Variants in DNAH5 observed in about 807,000 individuals in gnomAD.
DNAH5 encodes the protein axonemal beta dynein heavy chain 5.
In DNAH5, 372 loss-of-function variants were observed where a neutral mutation model predicts 518.2. The observed-to-expected ratio is 0.72, with a 90% CI of 0.66 to 0.78. DNAH5 has a LOEUF of 0.78. Ranked by LOEUF, DNAH5 falls within the 30% of genes least tolerant of loss-of-function variation. DNAH5 has a pLI of 0.00. For synonymous variants in DNAH5, 2,039 were observed against 2,025.9 expected, an observed-to-expected ratio of 1.01 and a Z score of -0.17; for missense variants, 5,523 against 5,687.0, an observed-to-expected ratio of 0.97 and a Z score of 0.93.
intron 52 of DNAH5, 115 bp from the exon 53 acceptor site, chr5:13,781,074 C>T: frequency 8.5e-7 from 1 of 1,182,072 alleles, no homozygotes; most frequent in South Asian, 1.3e-5. Flanking sequence ...ATAGGTGTCT[C>T]AAGATCAGAC....
At chr5:13,972,536 G>A (rs753592488) in intron 1 of DNAH5, among the ~76,000 whole-genome samples, 1 of 152,114 alleles carries the variant, frequency 6.6e-6, no homozygotes, top group Non-Finnish European at 1.5e-5. Context: ...CTCTACCTCT[G>A]CATTTCACTT....
chr5:13,897,391 A>G (rs1774043519), intron 15 of DNAH5: 1 of 152,136 alleles, frequency 6.6e-6, no homozygotes, highest in African/African-American at 2.4e-5. Context: ...CCCAGAAGGG[A>G]TTACTCAACT....
At chr5:13,872,329 C>T (rs1031119539) in intron 22 of DNAH5, among the ~76,000 whole-genome samples, 2 of 152,128 alleles carry the variant, frequency 1.3e-5, no homozygotes, top group African/African-American at 4.8e-5. Flanking sequence ...TGCCTGGAAT[C>T]ACATAAAATG....
intron 12 of DNAH5, among the ~76,000 whole-genome samples, chr5:13,902,688 G>C (rs1227190299): frequency 6.6e-6 from 1 of 152,194 alleles, no homozygotes; most frequent in Admixed American, 6.5e-5. Flanking sequence ...GCACTGTCTG[G>C]CTCTTGGACA....
chr5:13,717,553 T>A lies in DNAH5; in HGVS notation c.12500-33A>T, dbSNP rs771171095. 15 of 1,530,774 alleles carry A rather than the reference T, an allele frequency of 9.8e-6. 1 individual carries two copies. In the South Asian group the frequency reaches 1.7e-4, roughly 17 times the overall value. 94.8% of individuals were successfully genotyped at this position (1,530,774 alleles called of 1,614,324 possible). A position where few individuals can be genotyped will look rare whatever the true frequency, so the allele number is the denominator to read the frequency against. Reference sequence around the variant, plus strand: ...GGTCAGTTGGGTGAAAAATGTATCATCTCTCAAATGTCTTTATTTTCTACT... The same window carrying A: ...GGTCAGTTGGGTGAAAAATGTATCAACTCTCAAATGTCTTTATTTTCTACT... On this transcript the variant is annotated intron_variant, in intron 72 of 78. Transcript: ENST00000265104.
In DNAH5 at chr5:13,853,916, T is replaced by G. The variant is rs548784259; in HGVS notation, c.4951-3101A>C. On this transcript the variant is annotated intron_variant, in intron 30 of 78. Transcript: ENST00000265104. Reference sequence around the variant, plus strand: ...ATTTGATCGATGTACCTAAAAGTGATGGGGAGAATGGATCCAAGTTAGAAA... The same window carrying G: ...ATTTGATCGATGTACCTAAAAGTGAGGGGGAGAATGGATCCAAGTTAGAAA... 9.2e-5 allele frequency among the ~76,000 whole-genome samples: 14 copies of G among 152,190 alleles called. No homozygotes were observed. The East Asian group carries it at 2.5e-3, about 27-fold the overall frequency.
intron 1 of DNAH5, among the ~76,000 whole-genome samples, chr5:13,952,619 C>T (rs139375037): frequency 3.6e-4 from 55 of 152,248 alleles, no homozygotes; most frequent in African/African-American, 8.7e-4. Flanking sequence ...GCTCATTAAA[C>T]GAAAACCAGC....
At position 13,770,925 on chromosome 5, in the gene DNAH5, C is replaced by T; in HGVS notation, c.9429G>A (p.Lys3143=). 6.2e-7 allele frequency: 1 copy of T among 1,614,126 alleles called. No homozygotes were observed. The highest frequency in any genetic ancestry group is 8.5e-7 in the Non-Finnish European group (1 of 1,180,012). ...AGGAGCCCATGCATTGGACCACCTC[C>T]TTCTTGATTTCCAAACTGCAGTCAA... ...YDIDCSLEIK[K]EVVQCMGSFQ... is the part of the protein sequence containing the mutation. The change falls in exon 56 of 79, where the codon AAG becomes AAA. Residue 3143 remains lysine (K), a synonymous_variant. Coordinates refer to ENST00000265104, the MANE Select transcript of DNAH5 (RefSeq NM_001369.3).
At chr5:13,810,038 T>C (rs2127012518) in intron 45 of DNAH5, 21 bp downstream of exon 45, 3 of 1,549,762 alleles carry the variant, frequency 1.9e-6, no homozygotes, top group Non-Finnish European at 2.6e-6. Context: ...GGGTTCCGTC[T>C]GGACGGGCAG....
At chr5:13,910,340 A>G (rs1486351846) in intron 12 of DNAH5, among the ~76,000 whole-genome samples, 2 of 152,144 alleles carry the variant, frequency 1.3e-5, no homozygotes, top group Non-Finnish European at 2.9e-5. Flanking sequence ...CACCCACTTT[A>G]TAGGATTATT....
intron 28 of DNAH5, among the ~76,000 whole-genome samples, chr5:13,863,255 T>C (rs1299436449): frequency 6.6e-6 from 1 of 152,140 alleles, no homozygotes; most frequent in Non-Finnish European, 1.5e-5. Flanking sequence ...CCCACCTATG[T>C]TCCCCCTCTG....
Position 13,786,815 on chromosome 5 carries a change from T to C in DNAH5, c.8648-464A>G, listed in dbSNP as rs145321224. 7.4e-3 allele frequency among the ~76,000 whole-genome samples: 1,127 copies of C among 152,316 alleles called. 11 individuals are homozygous for C. The highest frequency in any genetic ancestry group is 0.041 in the Middle Eastern group (12 of 294). On this transcript the variant is annotated intron_variant, in intron 51 of 78. Coordinates refer to ENST00000265104, the MANE Select transcript of DNAH5 (RefSeq NM_001369.3). ...TGGTAAAAATAGAAGTGAATTAGAA[T>C]ATGGGGTGGAGGGTTGAGAGAAATA...
At chr5:13,935,017 A>C (rs1778796059) in intron 1 of DNAH5, among the ~76,000 whole-genome samples, 1 of 152,228 alleles carries the variant, frequency 6.6e-6, no homozygotes, top group South Asian at 2.1e-4. Flanking sequence ...AGTTTGTGCT[A>C]AATATCTTTA....
At chr5:13,965,587 A>C (rs1159339286) in intron 1 of DNAH5, among the ~76,000 whole-genome samples, 3 of 152,160 alleles carry the variant, frequency 2.0e-5, no homozygotes, top group African/African-American at 7.2e-5. Context: ...GTCTCTTCCA[A>C]CCAATTTCCT....
chr5:13,939,707 A>T (rs144435594), intron 1 of DNAH5, among the ~76,000 whole-genome samples: 17 of 152,110 alleles, frequency 1.1e-4, no homozygotes, highest in South Asian at 6.3e-4. Flanking sequence ...CTCCACTCCT[A>T]ACTGTACTTT....
In DNAH5 at chr5:13,773,456, G is replaced by T. The variant is rs1480439124; in HGVS notation, c.9374-2476C>A. Among the ~76,000 whole-genome samples, 13 of 152,146 alleles carry T rather than the reference G, an allele frequency of 8.5e-5. No homozygotes were observed. In the South Asian group the frequency reaches 1.9e-3, roughly 22 times the overall value. Reference sequence around the variant, plus strand: ...AAGGATGATTAAAGCATGTTCAGAGGGAAAAGAGGTATATCCAAAGTTGAA... The same window carrying T: ...AAGGATGATTAAAGCATGTTCAGAGTGAAAAGAGGTATATCCAAAGTTGAA... On this transcript the variant is annotated intron_variant, in intron 55 of 78. Transcript: ENST00000265104.
intron 58 of DNAH5, among the ~76,000 whole-genome samples, chr5:13,767,896 G>A (rs879065662): frequency 6.6e-6 from 1 of 152,188 alleles, no homozygotes; most frequent in Admixed American, 6.5e-5. Flanking sequence ...AAGATAGGAA[G>A]AGACACATTC....
At chr5:13,985,420 A>C (rs1227460623) in intron 1 of DNAH5, among the ~76,000 whole-genome samples, 1 of 120,972 alleles carries the variant, frequency 8.3e-6, no homozygotes, top group Non-Finnish European at 1.7e-5. Context: ...TAGAACTTAA[A>C]GTATAATAAA....
At chr5:13,911,520 A>T (rs772267711) in intron 11 of DNAH5, 27 bp from the exon 12 acceptor site, 3 of 1,520,542 alleles carry the variant, frequency 2.0e-6, no homozygotes, top group Non-Finnish European at 1.8e-6. Flanking sequence ...TAAATTAGAT[A>T]ATATTTCAAT....
Sources: gnomAD v4.1 joint callset for allele counts (sites outside exome capture counted in the v4.1 genomes callset) on GRCh38, gnomAD v4.1.1 for gene constraint, MANE v1.5 for transcripts, NCBI Gene and HGNC (gene_info 2026-07-23, HGNC 2026-07-21) for gene names.